Variants in KHDRBS2 observed in about 807,000 individuals in gnomAD.
KHDRBS2 encodes the protein KH RNA binding domain containing, signal transduction associated 2.
In KHDRBS2, 26 loss-of-function variants were observed where a neutral mutation model predicts 44.3. The observed-to-expected ratio is 0.59, with a 90% CI of 0.43 to 0.81. The LOEUF is 0.81. KHDRBS2 is among the 40% of genes least tolerant of loss of function. The pLI is 0.00. For missense variants in KHDRBS2, 476 were observed against 433.1 expected, an observed-to-expected ratio of 1.10 and a Z score of -0.88; for synonymous variants, 194 against 151.1, an observed-to-expected ratio of 1.28 and a Z score of -2.08.
intron 1 of KHDRBS2, among the ~76,000 whole-genome samples, chr6:62,189,709 G>A (rs1824199262): frequency 6.6e-6 from 1 of 152,110 alleles, no homozygotes; most frequent in South Asian, 2.1e-4. Context: ...GGAAGGTAGA[G>A]GTTTGCTGTA....
intron 6 of KHDRBS2, among the ~76,000 whole-genome samples, chr6:61,843,752 A>G (rs1793958206): frequency 6.6e-6 from 1 of 152,070 alleles, no homozygotes; most frequent in African/African-American, 2.4e-5. Context: ...TCACATGCAT[A>G]TAGAAAGCTT....
chr6:61,591,512 G>T, the KHDRBS2 span, among the ~76,000 whole-genome samples: 1 of 152,074 alleles, frequency 6.6e-6, no homozygotes, highest in Non-Finnish European at 1.5e-5. Flanking sequence ...CCATCCTGTT[G>T]GTCAGGATGA....
At position 61,955,529 on chromosome 6, in the gene KHDRBS2, C is replaced by CGTATGTGTATATATACAT. The variant is rs1173763443; in HGVS notation, c.483+22536_483+22537insATGTATATATACACATAC. Among the ~76,000 whole-genome samples, 8 of 30,332 alleles carry CGTATGTGTATATATACAT rather than the reference C, an allele frequency of 2.6e-4. 4 individuals are homozygous for CGTATGTGTATATATACAT. The East Asian group carries it at 6.5e-3, about 25-fold the overall frequency. 19.9% of individuals were successfully genotyped at this position (30,332 alleles called of 152,430 possible). A position where few individuals can be genotyped will look rare whatever the true frequency, so the allele number is the denominator to read the frequency against. On this transcript the variant is annotated intron_variant, in intron 4 of 8. Transcript: ENST00000281156. ...ATATACACATATGTATGTATGTATACATGTGTATATATACACATATGTATG... is the reference window on the plus strand; with the variant it reads ...ATATACACATATGTATGTATGTATACGTATGTGTATATATACATATGTGTATATATACACATATGTATG...
chr6:62,017,454 G>C (rs1584180483), intron 3 of KHDRBS2, among the ~76,000 whole-genome samples: 1 of 151,798 alleles, frequency 6.6e-6, no homozygotes. Flanking sequence ...AAACTAATAG[G>C]GTTGTTATAT....
At chr6:62,044,684 T>A (rs556647253) in intron 3 of KHDRBS2, among the ~76,000 whole-genome samples, 2 of 152,058 alleles carry the variant, frequency 1.3e-5, no homozygotes, top group Non-Finnish European at 2.9e-5. Context: ...CGACCCAGGC[T>A]TTGTAAAGCA....
At chr6:62,088,402 T>C (rs1412571679) in intron 2 of KHDRBS2, among the ~76,000 whole-genome samples, 1 of 152,196 alleles carries the variant, frequency 6.6e-6, no homozygotes, top group Non-Finnish European at 1.5e-5. Flanking sequence ...ATTCTTTTCG[T>C]TGATGGTGAT....
intron 1 of KHDRBS2, among the ~76,000 whole-genome samples, chr6:62,200,795 T>C (rs1456977614): frequency 5.3e-5 from 8 of 152,186 alleles, no homozygotes. Flanking sequence ...TGTATGTTTA[T>C]TGTGGCACTA....
At chr6:61,705,932 T>C (rs542191845) in intron 7 of KHDRBS2, among the ~76,000 whole-genome samples, 1 of 151,972 alleles carries the variant, frequency 6.6e-6, no homozygotes, top group African/African-American at 2.4e-5. Flanking sequence ...TATTATTTGC[T>C]TATCTGTCTT....
the KHDRBS2 span, among the ~76,000 whole-genome samples, chr6:61,616,353 G>A: frequency 6.6e-6 from 1 of 151,908 alleles, no homozygotes; most frequent in East Asian, 1.9e-4. Flanking sequence ...CTATATGTGT[G>A]GAGTTGAGGG....
chr6:61,568,355 GT>G, the KHDRBS2 span, among the ~76,000 whole-genome samples: 1 of 151,066 alleles, frequency 6.6e-6, no homozygotes, highest in Non-Finnish European at 1.5e-5. Context: ...ATTTTAGGAT[GT>G]TTTTTTCTAA....
At chr6:62,097,410 T>G (rs1800856243) in intron 2 of KHDRBS2, among the ~76,000 whole-genome samples, 1 of 152,064 alleles carries the variant, frequency 6.6e-6, no homozygotes, top group South Asian at 2.1e-4. Flanking sequence ...TTAGGTGCTT[T>G]TATGTTGGGT....
At chr6:61,576,013 C>CA in the KHDRBS2 span, among the ~76,000 whole-genome samples, 7 of 152,064 alleles carry the variant, frequency 4.6e-5, no homozygotes, top group Non-Finnish European at 1.0e-4. Context: ...GTACACTGCT[C>CA]AGGTGATGGG....
At chr6:62,179,078 A>C (rs1821729543) in intron 1 of KHDRBS2, among the ~76,000 whole-genome samples, 1 of 151,626 alleles carries the variant, frequency 6.6e-6, no homozygotes, top group Non-Finnish European at 1.5e-5. Flanking sequence ...CAAATGGCTT[A>C]AAGAAAAATT....
chr6:61,953,518 A>G (rs1765215945), intron 4 of KHDRBS2, among the ~76,000 whole-genome samples: 1 of 152,088 alleles, frequency 6.6e-6, no homozygotes, highest in South Asian at 2.1e-4. Context: ...TAAATTGTGT[A>G]AGACTTTATA....
At chr6:62,169,507 C>A (rs1437209181) in intron 2 of KHDRBS2, among the ~76,000 whole-genome samples, 4 of 152,000 alleles carry the variant, frequency 2.6e-5, no homozygotes, top group Non-Finnish European at 5.9e-5. Context: ...ACGAGCTGAT[C>A]ACTTAAGAAA....
intron 2 of KHDRBS2, among the ~76,000 whole-genome samples, chr6:62,050,060 A>T (rs1788633483): frequency 6.6e-6 from 1 of 152,126 alleles, no homozygotes; most frequent in Non-Finnish European, 1.5e-5. Flanking sequence ...TCAATAACAG[A>T]CTAGATAAAG....
intron 6 of KHDRBS2, among the ~76,000 whole-genome samples, chr6:61,858,994 T>A (rs2127293414): frequency 6.6e-6 from 1 of 152,078 alleles, no homozygotes; most frequent in African/African-American, 2.4e-5. Flanking sequence ...ACAGAAGTTG[T>A]TCTCAACAAC....
At chr6:61,758,606 T>C (rs1429197319) in intron 6 of KHDRBS2, among the ~76,000 whole-genome samples, 2 of 152,118 alleles carry the variant, frequency 1.3e-5, no homozygotes, top group Non-Finnish European at 2.9e-5. Flanking sequence ...AGTTAGACTC[T>C]GTCCCCCAAC....
chr6:61,930,405 T>C lies in KHDRBS2; in HGVS notation c.484-29034A>G, dbSNP rs188551454. 3.3e-5 allele frequency among the ~76,000 whole-genome samples: 5 copies of C among 151,682 alleles called. No homozygotes were observed. The East Asian group carries it at 9.7e-4, about 29-fold the overall frequency. On this transcript the variant is annotated intron_variant, in intron 4 of 8. Transcript: ENST00000281156. ...AGAAGTGTTAAGAAAGAACTAGTTC[T>C]CATAATTGGCAATTCTTATATGAAA...
Sources: gnomAD v4.1 joint callset for allele counts (sites outside exome capture counted in the v4.1 genomes callset) on GRCh38, gnomAD v4.1.1 for gene constraint, MANE v1.5 for transcripts, NCBI Gene and HGNC (gene_info 2026-07-23, HGNC 2026-07-21) for gene names.